The following GALNT17 variants were observed in gnomAD, a reference collection of about 807,000 sequenced individuals.
The protein encoded by GALNT17 is UDP-GalNAc:polypeptide N-acetylgalactosaminyltransferase-like 3.
Under a neutral mutation model 63.7 loss-of-function variants are expected in GALNT17, and 29 were observed. The observed-to-expected ratio is 0.46, with a 90% CI of 0.34 to 0.62. The LOEUF is 0.62. Ranked by LOEUF, GALNT17 falls within the 20% of genes least tolerant of loss-of-function variation. The probability of loss-of-function intolerance (pLI) is 0.01; values close to 1 mark genes in which losing one functional copy is unlikely to be tolerated. For synonymous variants in GALNT17, 305 were observed against 318.3 expected (o/e 0.96, Z 0.45); for missense variants, 603 against 799.6 (o/e 0.75, Z 2.97).
chr7:71,645,101 G>A (rs1790656537), intron 6 of GALNT17, among the ~76,000 whole-genome samples: 1 of 152,180 alleles, frequency 6.6e-6, no homozygotes, highest in Non-Finnish European at 1.5e-5. Flanking sequence ...AAATCTTACA[G>A]CCACATCTGT....
At chr7:71,187,057 T>TGA (rs1036133010) in intron 1 of GALNT17, among the ~76,000 whole-genome samples, 3 of 152,206 alleles carry the variant, frequency 2.0e-5, no homozygotes, top group African/African-American at 7.2e-5. Context: ...AGCTGCAGTG[T>TGA]GAGAAGGCAC....
At chr7:71,673,013 TATCC>T (rs1791094146) in intron 8 of GALNT17, among the ~76,000 whole-genome samples, 1 of 151,498 alleles carries the variant, frequency 6.6e-6, no homozygotes, top group Non-Finnish European at 1.5e-5. Context: ...TTTTTCCCCC[TATCC>T]GCAAATGAAC....
At chr7:71,389,544 C>T (rs1449963946) in intron 3 of GALNT17, among the ~76,000 whole-genome samples, 1 of 152,124 alleles carries the variant, frequency 6.6e-6, no homozygotes, top group Non-Finnish European at 1.5e-5. Context: ...TTGTCTTCCA[C>T]AAAGCCACTC....
chr7:71,152,233 TA>T (rs1268901845), intron 1 of GALNT17, among the ~76,000 whole-genome samples: 1 of 152,146 alleles, frequency 6.6e-6, no homozygotes, highest in Non-Finnish European at 1.5e-5. Flanking sequence ...TTTTTTTCAT[TA>T]GCTGTAGGTG....
intron 6 of GALNT17, among the ~76,000 whole-genome samples, chr7:71,657,996 A>G (rs1232059429): frequency 6.6e-6 from 1 of 152,086 alleles, no homozygotes; most frequent in Admixed American, 6.5e-5. Context: ...CCTTGAATTC[A>G]TGGGCTCAAG....
chr7:71,658,417 A>G (rs2117034231), intron 6 of GALNT17, among the ~76,000 whole-genome samples: 1 of 152,210 alleles, frequency 6.6e-6, no homozygotes, highest in Non-Finnish European at 1.5e-5. Flanking sequence ...CAGACCCCAG[A>G]GTCTTGTGAT....
intron 6 of GALNT17, among the ~76,000 whole-genome samples, chr7:71,575,848 G>C (rs1789529437): frequency 1.3e-5 from 2 of 152,130 alleles, no homozygotes. Context: ...GTTGACTCTA[G>C]GGCTCTTGCC....
chr7:71,662,470 A>T (rs1172020170), intron 6 of GALNT17, among the ~76,000 whole-genome samples: 1 of 152,124 alleles, frequency 6.6e-6, no homozygotes, highest in Non-Finnish European at 1.5e-5. Context: ...GAGCTGTGCA[A>T]AGTTCACCAC....
chr7:71,707,635 G>T (rs929791281), intron 9 of GALNT17, among the ~76,000 whole-genome samples: 16 of 152,192 alleles, frequency 1.1e-4, no homozygotes, highest in Admixed American at 9.2e-4. Flanking sequence ...ACTCATTCGT[G>T]CATCTCCTAT....
chr7:71,252,522 C>CA (rs1222495598), intron 1 of GALNT17, among the ~76,000 whole-genome samples: 1 of 151,830 alleles, frequency 6.6e-6, no homozygotes, highest in Non-Finnish European at 1.5e-5. Context: ...GAGTCTGTGT[C>CA]AAAAAAAGGT....
At chr7:71,584,708 T>G (rs2116905775) in intron 6 of GALNT17, among the ~76,000 whole-genome samples, 1 of 152,342 alleles carries the variant, frequency 6.6e-6, no homozygotes, top group Admixed American at 6.5e-5. Context: ...TGCATTTGGC[T>G]GATGTGTCTC....
chr7:71,623,273 A>G (rs1259115161), intron 6 of GALNT17, among the ~76,000 whole-genome samples: 1 of 151,936 alleles, frequency 6.6e-6, no homozygotes, highest in Non-Finnish European at 1.5e-5. Flanking sequence ...AAGAAGAATC[A>G]TATCTGCTTT....
intron 6 of GALNT17, among the ~76,000 whole-genome samples, chr7:71,655,951 T>A (rs1320435866): frequency 6.6e-6 from 1 of 152,158 alleles, no homozygotes; most frequent in Non-Finnish European, 1.5e-5. Flanking sequence ...TATCTTCTAG[T>A]CTATTTCCTT....
chr7:71,485,170 A>G (rs1787890313), intron 5 of GALNT17, among the ~76,000 whole-genome samples: 1 of 150,310 alleles, frequency 6.7e-6, no homozygotes, highest in East Asian at 2.0e-4. Context: ...CAGTGGCACC[A>G]TCATAGCTCA....
chr7:71,299,325 G>A (rs1791151282), intron 1 of GALNT17, among the ~76,000 whole-genome samples: 1 of 152,184 alleles, frequency 6.6e-6, no homozygotes, highest in African/African-American at 2.4e-5. Flanking sequence ...CAGACGAGAG[G>A]ATGGGAACTG....
chr7:71,450,831 C>T (rs977610588), intron 5 of GALNT17, among the ~76,000 whole-genome samples: 3 of 152,074 alleles, frequency 2.0e-5, no homozygotes, highest in Non-Finnish European at 4.4e-5. Context: ...GAGTGCTTTT[C>T]TAAGAGCATT....
At chr7:71,168,607 G>A (rs1226961910) in intron 1 of GALNT17, among the ~76,000 whole-genome samples, 7 of 151,712 alleles carry the variant, frequency 4.6e-5, no homozygotes, top group Middle Eastern at 3.4e-3. Context: ...AAGGTGTACC[G>A]TAACATGACG....
intron 5 of GALNT17, among the ~76,000 whole-genome samples, chr7:71,540,621 C>G (rs1315927610): frequency 6.6e-6 from 1 of 150,564 alleles, no homozygotes; most frequent in South Asian, 2.1e-4. Flanking sequence ...GTTTTTTTTT[C>G]CAACAAATGA....
intron 1 of GALNT17, among the ~76,000 whole-genome samples, chr7:71,330,916 C>T (rs961489709): frequency 3.2e-4 from 48 of 152,252 alleles, no homozygotes; most frequent in African/African-American, 1.1e-3. Flanking sequence ...CCTTCTTGCT[C>T]CTGGGCTCTC....
Sources: gnomAD v4.1 joint callset for allele counts (sites outside exome capture counted in the v4.1 genomes callset) on GRCh38, gnomAD v4.1.1 for gene constraint, MANE v1.5 for transcripts, NCBI Gene and HGNC (gene_info 2026-07-23, HGNC 2026-07-21) for gene names.